Variants in SEC63 observed in about 807,000 individuals in gnomAD.
SEC63 encodes the protein SEC63 protein translocation regulator, also known as translocation protein SEC63 homolog.
SEC63 carries 56 observed loss-of-function variants against 116.2 expected under a neutral mutation model. The ratio of observed to expected loss-of-function variants is 0.48; its 90% CI spans 0.39 to 0.60. The LOEUF (loss-of-function observed/expected upper bound fraction) is 0.60. Among genes scored for constraint, SEC63 ranks in the 20% least tolerant of loss-of-function variants. The probability of loss-of-function intolerance (pLI) is 0.00; values close to 1 mark genes in which losing one functional copy is unlikely to be tolerated. For missense variants in SEC63, 668 were observed against 900.0 expected, an observed-to-expected ratio of 0.74 and a Z score of 3.30; for synonymous variants, 273 against 294.6, an observed-to-expected ratio of 0.93 and a Z score of 0.75.
At chr6:107,948,386 T>C (rs921111047) in intron 1 of SEC63, among the ~76,000 whole-genome samples, 3 of 152,142 alleles carry the variant, frequency 2.0e-5, no homozygotes, top group Non-Finnish European at 2.9e-5. Flanking sequence ...AGTTTTCTCA[T>C]GAATAAAATG....
intron 1 of SEC63, among the ~76,000 whole-genome samples, chr6:107,941,841 C>T (rs1770383109): frequency 6.6e-6 from 1 of 152,202 alleles, no homozygotes. Flanking sequence ...ATCTCCACTG[C>T]AGCAGCTGCC....
At chr6:107,956,050 C>T (rs996882635) in intron 1 of SEC63, 23 of 396,608 alleles carry the variant, frequency 5.8e-5, no homozygotes, top group Admixed American at 4.0e-4. Context: ...GGGGCTGAAG[C>T]GGGAGGATGA....
intron 4 of SEC63, among the ~76,000 whole-genome samples, chr6:107,920,425 C>CAAAAAAAAA (rs34816965): frequency 6.8e-4 from 50 of 73,432 alleles, no homozygotes; most frequent in Non-Finnish European, 9.2e-4. Context: ...GACTCCGTCT[C>CAAAAAAAAA]AAAAAAAAAA....
intron 19 of SEC63, among the ~76,000 whole-genome samples, chr6:107,873,258 T>TA (rs1583717904): frequency 6.6e-6 from 1 of 152,164 alleles, no homozygotes; most frequent in East Asian, 1.9e-4. Context: ...AATGTTGGAA[T>TA]AAAACAACAG....
chr6:107,922,310 C>T (rs1263477552), intron 3 of SEC63, among the ~76,000 whole-genome samples: 1 of 152,212 alleles, frequency 6.6e-6, no homozygotes, highest in Non-Finnish European at 1.5e-5. Context: ...TCAAGACCAG[C>T]TTGGCCAACA....
At chr6:107,933,361 T>C (rs933972098) in intron 1 of SEC63, among the ~76,000 whole-genome samples, 24 of 152,150 alleles carry the variant, frequency 1.6e-4, no homozygotes, top group Non-Finnish European at 4.4e-5. Flanking sequence ...AGTAATTTGT[T>C]ACAGCAGCAA....
rs1247550371 is a variant in SEC63 at position 107,899,723 on chromosome 6, A to AAAAG, written c.1357+1646_1357+1647insCTTT. Among the ~76,000 whole-genome samples, 1,073 of 151,826 alleles carry AAAAG rather than the reference A, an allele frequency of 7.1e-3. 9 individuals are homozygous for AAAAG. Among genetic ancestry groups the AAAAG allele is most frequent in the Non-Finnish European group, 9.9e-3 (671 of 67,948 alleles). The stretch of plus-strand genomic sequence containing the variant: ...AACAGAGCAAGACTGTCTCAAAAAA[A>AAAAG]AAAAGAAAAGAAAAGAAAAGAAAAG... On this transcript the variant is annotated intron_variant, in intron 13 of 20. Coordinates refer to ENST00000369002, the MANE Select transcript of SEC63 (RefSeq NM_007214.5).
intron 2 of SEC63, among the ~76,000 whole-genome samples, chr6:107,928,390 G>C (rs1479373639): frequency 6.6e-6 from 1 of 151,858 alleles, no homozygotes; most frequent in Non-Finnish European, 1.5e-5. Flanking sequence ...TCAGGAGGCT[G>C]AGGTGGGAGG....
intron 16 of SEC63, among the ~76,000 whole-genome samples, chr6:107,893,231 AATATGACACTT>A (rs1786730953): frequency 6.6e-6 from 1 of 152,146 alleles, no homozygotes; most frequent in South Asian, 2.1e-4. Context: ...CCATACATAA[AATATGACACTT>A]ATATGACCTT....
chr6:107,928,968 A>G (rs532997852), intron 2 of SEC63, among the ~76,000 whole-genome samples: 2 of 152,366 alleles, frequency 1.3e-5, no homozygotes, highest in Non-Finnish European at 2.9e-5. Context: ...ATGCAAAACC[A>G]TCTACTTTGA....
At chr6:107,887,769 A>C (rs974293012) in intron 16 of SEC63, among the ~76,000 whole-genome samples, 3 of 152,158 alleles carry the variant, frequency 2.0e-5, no homozygotes, top group African/African-American at 7.2e-5. Context: ...ATTTTTTTGT[A>C]TAAGATGTAA....
intron 4 of SEC63, among the ~76,000 whole-genome samples, chr6:107,914,937 A>G (rs766161978): frequency 7.2e-5 from 11 of 152,174 alleles, no homozygotes; most frequent in Non-Finnish European, 1.2e-4. Flanking sequence ...ACGAGTTACG[A>G]TTACATTAAC....
chr6:107,932,236 C>A, intron 1 of SEC63: 1 of 152,858 alleles, frequency 6.5e-6, no homozygotes, highest in Non-Finnish European at 1.5e-5. Context: ...ATGCTGCCAA[C>A]ACAATTGAGA....
At position 107,921,452 on chromosome 6, in the gene SEC63, CCT is replaced by C. The variant is rs1006544803; in HGVS notation, c.452+343_452+344del. ...ATATTTTATTAAAACAGAAAACTAT[CCT>C]TTTTTTTTTTTTCTTTAGAGATGGA... On this transcript the variant is annotated intron_variant, in intron 4 of 20. Transcript: ENST00000369002. Among the ~76,000 whole-genome samples the C allele has an allele frequency of 1.0e-4, 15 of 149,080 alleles. No homozygotes were observed. The East Asian group carries it at 2.7e-3, about 27-fold the overall frequency.
At chr6:107,929,330 C>T in intron 2 of SEC63, 85 bp downstream of exon 2, 5 of 740,166 alleles carry the variant, frequency 6.8e-6, no homozygotes, top group Non-Finnish European at 9.6e-6. Context: ...GACACAATGA[C>T]TTATTCATCA....
At chr6:107,956,140 C>A in intron 1 of SEC63, 1 of 193,432 alleles carries the variant, frequency 5.2e-6, no homozygotes, top group South Asian at 6.2e-5. Context: ...CTTTAAAAAT[C>A]CAATGTAGAT....
chr6:107,934,493 A>G (rs1468806600), intron 1 of SEC63, among the ~76,000 whole-genome samples: 26 of 117,186 alleles, frequency 2.2e-4, no homozygotes, highest in South Asian at 9.3e-4. Context: ...GCTCCATCTG[A>G]GAAGTGAGGA....
At chr6:107,884,715 C>T (rs972136924) in intron 16 of SEC63, among the ~76,000 whole-genome samples, 1 of 152,000 alleles carries the variant, frequency 6.6e-6, no homozygotes, top group East Asian at 1.9e-4. Flanking sequence ...AAATCTGATA[C>T]AAAACCTGAC....
chr6:107,896,856 G>A (rs2114432868), intron 14 of SEC63, among the ~76,000 whole-genome samples: 1 of 152,094 alleles, frequency 6.6e-6, no homozygotes, highest in African/African-American at 2.4e-5. Context: ...GCGTGTGCCT[G>A]TAATCCCAGC....
Sources: allele counts gnomAD v4.1 joint callset (sites outside exome capture counted in the v4.1 genomes callset), GRCh38; gene constraint gnomAD v4.1.1; transcripts MANE v1.5; gene names NCBI Gene and HGNC (gene_info 2026-07-23, HGNC 2026-07-21).